SOX6: variants seen among roughly 807,000 people sequenced by gnomAD.
SOX6 encodes the protein SRY-box transcription factor 6.
SOX6 carries 11 observed loss-of-function variants against 97.8 expected under a neutral mutation model. The ratio of observed to expected loss-of-function variants is 0.11; its 90% CI spans 0.07 to 0.19. SOX6 has a LOEUF of 0.19. Ranked by LOEUF, SOX6 falls within the 10% of genes least tolerant of loss-of-function variation. The probability of loss-of-function intolerance (pLI) is 1.00; values close to 1 mark genes in which losing one functional copy is unlikely to be tolerated. For missense variants in SOX6, 810 were observed against 1,039.5 expected (o/e 0.78, Z 3.04); for synonymous variants, 360 against 371.4 (o/e 0.97, Z 0.35).
At chr11:16,462,144 G>C (rs1244494689) in intron 1 of SOX6, among the ~76,000 whole-genome samples, 2 of 152,172 alleles carry the variant, frequency 1.3e-5, no homozygotes, top group East Asian at 3.9e-4. Flanking sequence ...TCTTTAAATA[G>C]CTTTCAGAGA....
chr11:16,055,840 G>A lies in SOX6; in HGVS notation c.1163C>T (p.Thr388Ile), dbSNP rs1371869071. The A allele has an allele frequency of 1.9e-6, 3 of 1,613,842 alleles. No homozygotes were observed. In the Middle Eastern group the frequency reaches 5.0e-4, roughly 266 times the overall value. The change falls in exon 10 of 16, where the codon ACT becomes ATT. Residue 388 changes from threonine to isoleucine, a missense_variant. This residue lies in a region of SOX6 where 244 missense variants were observed against 261.0 expected (regional missense o/e 0.93). Coordinates refer to ENST00000683767, the MANE Select transcript of SOX6 (RefSeq NM_001367873.1). ...CCCTGCTGTGTTTGGTGGCTGTGGA[G>A]TTGATGGCATCTTTGCTCCAGGTGA... Reference protein sequence around the residue: ...QVSPGAKMPSTPQPPNTAGTV... With the variant: ...QVSPGAKMPSIPQPPNTAGTV...
At chr11:16,188,625 T>A (rs1023872070) in intron 4 of SOX6, among the ~76,000 whole-genome samples, 17 of 152,352 alleles carry the variant, frequency 1.1e-4, no homozygotes, top group Middle Eastern at 6.8e-3. Flanking sequence ...TGATATTTTT[T>A]AAATTTACAT....
Position 16,652,088 on chromosome 11 carries a change from A to G in SOX6, n.430-39828T>C, listed in dbSNP as rs748553140. On this transcript the variant is annotated intron_variant and non_coding_transcript_variant, in intron 3 of 5. Transcript: ENST00000524520. ...GAAAGATCTCTACAAGAAAACTACA[A>G]AACACTGCTGAAAGAAATTATCAAT... is the stretch of plus-strand genomic sequence containing the variant. 1.5e-4 allele frequency among the ~76,000 whole-genome samples: 23 copies of G among 152,210 alleles called. 1 individual carries two copies. The highest frequency in any genetic ancestry group is 3.9e-4 in the Admixed American group (6 of 15,270).
In SOX6 at chr11:16,366,460, GA is replaced by G. The variant is rs555961173; in HGVS notation, c.-4-25209del. 1.9e-3 allele frequency among the ~76,000 whole-genome samples: 285 copies of G among 152,248 alleles called. 1 individual carries two copies. The highest frequency in any genetic ancestry group is 6.2e-3 in the African/African-American group (257 of 41,574). On this transcript the variant is annotated intron_variant, in intron 1 of 15. Transcript: ENST00000396356. ...TCTCACTTAATCCTTCCCAGTCTAT[GA>G]CAGGTATGGGTAATATTATCCACAA...
In SOX6 at chr11:16,736,165, C is replaced by T. The variant is rs543355516; in HGVS notation, n.353+174G>A. Reference sequence around the variant, plus strand: ...GAAACATTTATTAACTACCGTGTGGCAGGCATTGCGCCAGAAACAAAAATG... The same window carrying T: ...GAAACATTTATTAACTACCGTGTGGTAGGCATTGCGCCAGAAACAAAAATG... On this transcript the variant is annotated intron_variant and non_coding_transcript_variant, in intron 2 of 5. Coordinates refer to the SOX6 transcript ENST00000524520. Among the ~76,000 whole-genome samples the T allele has an allele frequency of 2.2e-4, 34 of 152,264 alleles. No homozygotes were observed. The East Asian group carries it at 5.4e-3, about 24-fold the overall frequency.
At chr11:16,639,987 C>G (rs1480835500) in intron 3 of SOX6, among the ~76,000 whole-genome samples, 1 of 152,078 alleles carries the variant, frequency 6.6e-6, no homozygotes, top group African/African-American at 2.4e-5. Context: ...TGTCTTGTGC[C>G]AGTTTTCAAA....
At chr11:16,684,097 G>T (rs980562308) in intron 3 of SOX6, among the ~76,000 whole-genome samples, 2 of 152,218 alleles carry the variant, frequency 1.3e-5, no homozygotes, top group African/African-American at 4.8e-5. Flanking sequence ...ACAAATGCTG[G>T]AGAGGATGTG....
intron 4 of SOX6, among the ~76,000 whole-genome samples, chr11:16,520,834 C>G (rs1158036641): frequency 6.6e-6 from 1 of 152,244 alleles, no homozygotes; most frequent in Non-Finnish European, 1.5e-5. Flanking sequence ...ATATCCAGCA[C>G]CTGGCTCAGA....
At chr11:16,552,549 A>G (rs765694174) in intron 4 of SOX6, among the ~76,000 whole-genome samples, 5 of 152,220 alleles carry the variant, frequency 3.3e-5, no homozygotes, top group Non-Finnish European at 5.9e-5. Flanking sequence ...TGCATCCAGC[A>G]ACAATTAGAG....
At chr11:16,049,730 T>C in intron 11 of SOX6, 25 bp downstream of exon 11, 1 of 1,612,692 alleles carries the variant, frequency 6.2e-7, no homozygotes, top group Non-Finnish European at 8.5e-7. Flanking sequence ...GTAAGTCTCT[T>C]CCTGGTGTTG....
At chr11:16,649,227 C>T (rs1849057520) in intron 3 of SOX6, among the ~76,000 whole-genome samples, 1 of 152,050 alleles carries the variant, frequency 6.6e-6, no homozygotes, top group Non-Finnish European at 1.5e-5. Context: ...CTTCCCTGGC[C>T]CTGCTAGCAA....
chr11:16,456,298 AGT>A (rs1344087336), intron 1 of SOX6, among the ~76,000 whole-genome samples: 2 of 152,152 alleles, frequency 1.3e-5, no homozygotes, highest in East Asian at 3.9e-4. Context: ...TAATATCCAC[AGT>A]GCTGCCAAAT....
chr11:16,018,500 C>G (rs1026682347), intron 12 of SOX6, among the ~76,000 whole-genome samples: 1 of 151,976 alleles, frequency 6.6e-6, no homozygotes, highest in Admixed American at 6.6e-5. Context: ...AAATTGTGAT[C>G]TGGGGAAAGA....
At chr11:16,320,526 G>C (rs1855887869) in intron 2 of SOX6, among the ~76,000 whole-genome samples, 1 of 152,038 alleles carries the variant, frequency 6.6e-6, no homozygotes. Flanking sequence ...ATATTTGTAA[G>C]GCACCACGGC....
At chr11:16,023,362 T>C (rs926457028) in intron 12 of SOX6, 1 of 152,194 alleles carries the variant, frequency 6.6e-6, no homozygotes, top group Non-Finnish European at 1.5e-5. Context: ...TACTAGGCTC[T>C]CTGGTTGTTA....
At chr11:16,352,363 A>T (rs1172134854) in intron 1 of SOX6, among the ~76,000 whole-genome samples, 4 of 152,102 alleles carry the variant, frequency 2.6e-5, no homozygotes, top group Non-Finnish European at 4.4e-5. Context: ...CTAGATGCTT[A>T]GAAAGTACCA....
At chr11:16,039,072 T>C (rs1263002496) in intron 12 of SOX6, among the ~76,000 whole-genome samples, 1 of 152,136 alleles carries the variant, frequency 6.6e-6, no homozygotes, top group Admixed American at 6.5e-5. Flanking sequence ...GTGGCCATCC[T>C]TTAGCAATTA....
At chr11:16,631,969 C>T (rs190453581) in intron 3 of SOX6, among the ~76,000 whole-genome samples, 1 of 152,248 alleles carries the variant, frequency 6.6e-6, no homozygotes, top group Non-Finnish European at 1.5e-5. Context: ...TCTCTTCCTT[C>T]GTTTCTAGGA....
At position 16,378,894 on chromosome 11, in the gene SOX6, C is replaced by T. The variant is rs183636300; in HGVS notation, c.-4-37642G>A. Among the ~76,000 whole-genome samples the T allele has an allele frequency of 2.3e-3, 345 of 151,858 alleles. 1 individual carries two copies. The highest frequency in any genetic ancestry group is 7.6e-3 in the African/African-American group (314 of 41,484). On this transcript the variant is annotated intron_variant, in intron 1 of 15. Coordinates refer to the SOX6 transcript ENST00000396356. ...TTATAAATCAATAAGAATTAATTAC[C>T]CATTAGAATAATGTACAATACTTTG...
Sources: allele counts gnomAD v4.1 joint callset (sites outside exome capture counted in the v4.1 genomes callset), GRCh38; gene constraint gnomAD v4.1.1; regional missense constraint gnomAD v4.1.1; transcripts MANE v1.5; gene names NCBI Gene and HGNC (gene_info 2026-07-23, HGNC 2026-07-21).